Variants in CERS6 observed in about 807,000 individuals in gnomAD.
The protein encoded by CERS6 is LAG1 homolog, ceramide synthase 6.
Under a neutral mutation model 56.8 loss-of-function variants are expected in CERS6, and 26 were observed. That is an observed-to-expected ratio of 0.46 (90% confidence interval 0.34 to 0.63). The LOEUF (loss-of-function observed/expected upper bound fraction) is 0.63, where lower values mean the gene tolerates loss of function less well. Ranked by LOEUF, CERS6 falls within the 30% of genes least tolerant of loss-of-function variation. The pLI is 0.01. For missense variants in CERS6, 415 were observed against 467.5 expected (o/e 0.89, Z 1.04); for synonymous variants, 164 against 173.3 (o/e 0.95, Z 0.42).
chr2:168,660,081 A>G (rs1685589819), intron 4 of CERS6, among the ~76,000 whole-genome samples: 1 of 152,230 alleles, frequency 6.6e-6, no homozygotes, highest in Admixed American at 6.5e-5. Flanking sequence ...ACTGTGGAAT[A>G]TAAATGAAAA....
chr2:168,741,526 T>TA (rs961030745), intron 8 of CERS6, among the ~76,000 whole-genome samples: 9 of 152,032 alleles, frequency 5.9e-5, no homozygotes, highest in African/African-American at 9.7e-5. Flanking sequence ...TGATGAGCTT[T>TA]AAAAAAAATC....
At chr2:168,484,836 T>C (rs189646302) in intron 1 of CERS6, among the ~76,000 whole-genome samples, 100 of 152,306 alleles carry the variant, frequency 6.6e-4, no homozygotes, top group African/African-American at 2.2e-3. Context: ...CTGCCCTGGG[T>C]CCAGCTTTAA....
chr2:168,755,266 T>A (rs565656705), intron 8 of CERS6, among the ~76,000 whole-genome samples: 102 of 152,318 alleles, frequency 6.7e-4, no homozygotes, highest in African/African-American at 2.3e-3. Flanking sequence ...TGAGACTGAA[T>A]CTAATAAACA....
At chr2:168,483,705 G>A (rs1490215587) in intron 1 of CERS6, among the ~76,000 whole-genome samples, 2 of 152,216 alleles carry the variant, frequency 1.3e-5, no homozygotes, top group African/African-American at 4.8e-5. Flanking sequence ...CCTGGGGATT[G>A]AAGTAACGCT....
At chr2:168,644,439 C>A in intron 4 of CERS6, 1 of 751,888 alleles carries the variant, frequency 1.3e-6, no homozygotes, top group Non-Finnish European at 1.6e-6. Context: ...AAGCATTCAA[C>A]TTCTGTTTAG....
chr2:168,731,356 T>TC (rs1233755395), intron 8 of CERS6, among the ~76,000 whole-genome samples: 8 of 152,148 alleles, frequency 5.3e-5, no homozygotes, highest in Non-Finnish European at 1.0e-4. Flanking sequence ...AAAATATTTT[T>TC]CAGTGGCTTT....
intron 1 of CERS6, among the ~76,000 whole-genome samples, chr2:168,502,761 T>C (rs1030242543): frequency 6.6e-6 from 1 of 152,212 alleles, no homozygotes; most frequent in Non-Finnish European, 1.5e-5. Context: ...TAGTTCCCCC[T>C]GTTGGGCAGA....
intron 4 of CERS6, among the ~76,000 whole-genome samples, chr2:168,651,304 G>A (rs13404178): frequency 1.3e-5 from 2 of 152,102 alleles, no homozygotes; most frequent in Non-Finnish European, 2.9e-5. Context: ...TGAACCATTA[G>A]AACCAAGCCA....
intron 4 of CERS6, among the ~76,000 whole-genome samples, chr2:168,633,983 G>T (rs949853214): frequency 6.6e-6 from 1 of 152,208 alleles, no homozygotes; most frequent in Non-Finnish European, 1.5e-5. Flanking sequence ...GCTGTTAGAA[G>T]AATCCCTGAC....
At position 168,479,859 on chromosome 2, in the gene CERS6, C is replaced by T. The variant is rs543810340; in HGVS notation, c.170+23241C>T. 4.6e-5 allele frequency among the ~76,000 whole-genome samples: 7 copies of T among 152,294 alleles called. No individual in the cohort carries two copies. The South Asian group carries it at 1.2e-3, about 27-fold the overall frequency. ...CCGACCTAAGGTGATCTGCCCGCCTCGGTCTCCCAAAGTTCTGAGATTACA... is the reference window on the plus strand; with the variant it reads ...CCGACCTAAGGTGATCTGCCCGCCTTGGTCTCCCAAAGTTCTGAGATTACA... On this transcript the variant is annotated intron_variant, in intron 1 of 9. Coordinates refer to ENST00000305747, the MANE Select transcript of CERS6 (RefSeq NM_203463.3).
intron 1 of CERS6, among the ~76,000 whole-genome samples, chr2:168,512,388 C>T (rs1469307017): frequency 1.3e-5 from 2 of 152,098 alleles, no homozygotes; most frequent in Non-Finnish European, 2.9e-5. Context: ...AGGACAGTCT[C>T]ATCACATATC....
intron 3 of CERS6, 41 bp downstream of exon 3, chr2:168,561,363 A>G (rs1695786072): frequency 1.2e-6 from 2 of 1,611,958 alleles, no homozygotes; most frequent in Non-Finnish European, 1.7e-6. Flanking sequence ...AGACCTAAGT[A>G]CTCATGCCAA....
At chr2:168,543,828 GCAACTTTGA>G (rs1695415474) in intron 1 of CERS6, among the ~76,000 whole-genome samples, 1 of 152,182 alleles carries the variant, frequency 6.6e-6, no homozygotes, top group Admixed American at 6.5e-5. Flanking sequence ...GCTCTTTCAG[GCAACTTTGA>G]CATTCTAGGG....
chr2:168,469,869 T>TC (rs1265740377), intron 1 of CERS6, among the ~76,000 whole-genome samples: 1 of 152,022 alleles, frequency 6.6e-6, no homozygotes, highest in Non-Finnish European at 1.5e-5. Context: ...AAAATACTAC[T>TC]CCACCTCCCA....
chr2:168,559,344 A>G (rs1191457200), intron 2 of CERS6, among the ~76,000 whole-genome samples: 1 of 152,212 alleles, frequency 6.6e-6, no homozygotes, highest in Non-Finnish European at 1.5e-5. Context: ...GTAACAGAAT[A>G]CTATCAACTG....
chr2:168,541,607 T>A (rs1695374382), intron 1 of CERS6, among the ~76,000 whole-genome samples: 1 of 152,126 alleles, frequency 6.6e-6, no homozygotes, highest in Non-Finnish European at 1.5e-5. Flanking sequence ...CTGGGCATGG[T>A]GAGAGTTATT....
chr2:168,553,711 C>T (rs911836993), intron 2 of CERS6, among the ~76,000 whole-genome samples: 1 of 151,980 alleles, frequency 6.6e-6, no homozygotes, highest in African/African-American at 2.4e-5. Context: ...TTTAGCTGAC[C>T]AAGAGATCAC....
intron 4 of CERS6, among the ~76,000 whole-genome samples, chr2:168,681,860 T>G (rs1686225921): frequency 6.6e-6 from 1 of 152,196 alleles, no homozygotes; most frequent in Non-Finnish European, 1.5e-5. Context: ...CTTTTTTAGC[T>G]TCTACATATG....
chr2:168,597,668 C>T (rs1683833667), intron 3 of CERS6, among the ~76,000 whole-genome samples: 1 of 152,188 alleles, frequency 6.6e-6, no homozygotes, highest in East Asian at 1.9e-4. Flanking sequence ...TCTGGGGCCA[C>T]CTTGAATATG....
Sources: allele counts gnomAD v4.1 joint callset (sites outside exome capture counted in the v4.1 genomes callset), GRCh38; gene constraint gnomAD v4.1.1; transcripts MANE v1.5; gene names NCBI Gene and HGNC (gene_info 2026-07-23, HGNC 2026-07-21).